PDE1A: variants seen among roughly 807,000 people sequenced by gnomAD.
The protein encoded by PDE1A is phosphodiesterase 1A.
A neutral mutation model predicts 61.7 loss-of-function variants in PDE1A; 35 were observed. The observed-to-expected ratio is 0.57, with a 90% confidence interval of 0.43 to 0.75. PDE1A has a LOEUF of 0.75. Ranked by LOEUF, PDE1A falls within the 30% of genes least tolerant of loss-of-function variation. PDE1A has a pLI of 0.00. For missense variants in PDE1A, 597 were observed against 630.6 expected, an observed-to-expected ratio of 0.95 and a Z score of 0.57; for synonymous variants, 232 against 213.2, an observed-to-expected ratio of 1.09 and a Z score of -0.77.
chr2:182,162,902 G>T (rs761324266), downstream of PDE1A, among the ~76,000 whole-genome samples: 2 of 152,104 alleles, frequency 1.3e-5, no homozygotes, highest in Non-Finnish European at 2.9e-5. Context: ...TCCCCACATT[G>T]GTTCCCTAAC....
chr2:182,287,161 T>C (rs1245817694), intron 1 of PDE1A, among the ~76,000 whole-genome samples: 1 of 152,078 alleles, frequency 6.6e-6, no homozygotes, highest in African/African-American at 2.4e-5. Context: ...TCTTCCCCTA[T>C]GATCTTTATA....
At chr2:182,248,268 A>AAAAAAG in intron 2 of PDE1A, among the ~76,000 whole-genome samples, 1 of 147,980 alleles carries the variant, frequency 6.8e-6, no homozygotes, top group African/African-American at 2.5e-5. Context: ...AAAAAAAAAA[A>AAAAAAG]GAAAAAAGCA....
At chr2:182,626,786 TATATAC>T in the PDE1A span, among the ~76,000 whole-genome samples, 11 of 5,530 alleles carry the variant, frequency 2.0e-3, no homozygotes, top group Admixed American at 5.3e-3. Context: ...TATATACATA[TATATAC>T]ATATATATAC....
At chr2:182,623,566 G>A in the PDE1A span, among the ~76,000 whole-genome samples, 4 of 152,284 alleles carry the variant, frequency 2.6e-5, no homozygotes, top group African/African-American at 7.2e-5. Context: ...ACACTAGTGA[G>A]GGGGCACAGA....
At chr2:182,172,069 T>C (rs1455291278) in intron 13 of PDE1A, among the ~76,000 whole-genome samples, 1 of 152,024 alleles carries the variant, frequency 6.6e-6, no homozygotes, top group Non-Finnish European at 1.5e-5. Flanking sequence ...GGAGAAACTT[T>C]TGGGGAACAA....
At chr2:182,297,005 T>A (rs1167613054) in intron 1 of PDE1A, among the ~76,000 whole-genome samples, 6 of 152,180 alleles carry the variant, frequency 3.9e-5, no homozygotes. Flanking sequence ...TGGAATTACA[T>A]CACTGCTTTC....
intron 2 of PDE1A, among the ~76,000 whole-genome samples, chr2:182,470,765 C>T (rs78597881): frequency 6.6e-6 from 1 of 151,702 alleles, no homozygotes. Flanking sequence ...GTACTATATA[C>T]GAACACAGTC....
the PDE1A span, among the ~76,000 whole-genome samples, chr2:182,539,076 C>T: frequency 6.6e-6 from 1 of 152,036 alleles, no homozygotes; most frequent in East Asian, 1.9e-4. Flanking sequence ...ACTTTTTCCC[C>T]ACACTCTCTT....
chr2:182,396,857 T>A (rs1701732682), intron 1 of PDE1A, among the ~76,000 whole-genome samples: 1 of 152,214 alleles, frequency 6.6e-6, no homozygotes, highest in Non-Finnish European at 1.5e-5. Flanking sequence ...TAGTTAATAC[T>A]GAGTGTATTC....
At chr2:182,666,582 T>C in the PDE1A span, among the ~76,000 whole-genome samples, 1 of 147,898 alleles carries the variant, frequency 6.8e-6, no homozygotes, top group Non-Finnish European at 1.5e-5. Context: ...CACTCCAGCC[T>C]AGGAAACAAC....
At chr2:182,679,464 G>A in the PDE1A span, among the ~76,000 whole-genome samples, 3 of 148,836 alleles carry the variant, frequency 2.0e-5, no homozygotes, top group African/African-American at 7.5e-5. Context: ...GCCTCCCAAA[G>A]TGCTGAGATT....
chr2:182,716,229 T>G, the PDE1A span: 1 of 152,226 alleles, frequency 6.6e-6, no homozygotes, highest in East Asian at 1.9e-4. Flanking sequence ...TCCACGCCTT[T>G]CCCACAATGC....
chr2:182,184,054 G>GAAAGAAAGA (rs1325067927), intron 13 of PDE1A, among the ~76,000 whole-genome samples: 23 of 135,662 alleles, frequency 1.7e-4, no homozygotes, highest in Admixed American at 8.2e-4. Flanking sequence ...AAGAAAGAAA[G>GAAAGAAAGA]AACAATTAAA....
At chr2:182,555,898 C>T in the PDE1A span, among the ~76,000 whole-genome samples, 6 of 126,808 alleles carry the variant, frequency 4.7e-5, no homozygotes, top group African/African-American at 1.8e-4. Flanking sequence ...ACCCGGGAGG[C>T]AGAGGTTGCA....
Position 182,185,873 on chromosome 2 carries a change from G to T in PDE1A, c.1516+19C>A, listed in dbSNP as rs368452815. 4 of 1,613,042 alleles carry T rather than the reference G, an allele frequency of 2.5e-6. No homozygotes were observed. The African/African-American group carries it at 4.0e-5, about 16-fold the overall frequency. On this transcript the variant is annotated intron_variant, in intron 13 of 13. Transcript: ENST00000351439. ...GAAGACAGAGAGAGATGGCAGTAAG[G>T]CCTCATAAACAACACTACCTTGTGC...
At position 182,387,389 on chromosome 2, in the gene PDE1A, G is replaced by T. The variant is rs1203815635; in HGVS notation, c.53+39189C>A. ...CTATGACCCTGCCAAATCCCCCTCT[G>T]CCAGAAACACCCAAGAATGATCAAT... On this transcript the variant is annotated intron_variant, in intron 1 of 13. Transcript: ENST00000351439. Among the ~76,000 whole-genome samples, 3 of 149,954 alleles carry T rather than the reference G, an allele frequency of 2.0e-5. No homozygotes were observed. In the East Asian group the frequency reaches 5.8e-4, roughly 29 times the overall value.
intron 1 of PDE1A, among the ~76,000 whole-genome samples, chr2:182,334,214 T>C (rs1697620399): frequency 6.6e-6 from 1 of 151,574 alleles, no homozygotes; most frequent in Non-Finnish European, 1.5e-5. Context: ...GAAGGACTTC[T>C]CCCTAACTCA....
the PDE1A span, among the ~76,000 whole-genome samples, chr2:182,673,598 A>G: frequency 6.6e-6 from 1 of 152,212 alleles, no homozygotes; most frequent in African/African-American, 2.4e-5. Context: ...TAAACATTTT[A>G]AATAAGTAAT....
intron 1 of PDE1A, among the ~76,000 whole-genome samples, chr2:182,293,413 G>T (rs1274027917): frequency 6.6e-6 from 1 of 152,012 alleles, no homozygotes; most frequent in Admixed American, 6.6e-5. Context: ...GAACATTTTA[G>T]TTACTTCAGT....
Sources: gnomAD v4.1 joint callset for allele counts (sites outside exome capture counted in the v4.1 genomes callset) on GRCh38, gnomAD v4.1.1 for gene constraint, MANE v1.5 for transcripts, NCBI Gene and HGNC (gene_info 2026-07-23, HGNC 2026-07-21) for gene names.